The following MDGA2 variants were observed in gnomAD, a reference collection of about 807,000 sequenced individuals.
The protein encoded by MDGA2 is MAM domain-containing glycosylphosphatidylinositol anchor protein 2.
A neutral mutation model predicts 117.8 loss-of-function variants in MDGA2; 40 were observed. The ratio of observed to expected loss-of-function variants is 0.34; its 90% CI spans 0.26 to 0.44. MDGA2 has a LOEUF of 0.44. Among genes scored for constraint, MDGA2 ranks in the 20% least tolerant of loss-of-function variants. The pLI is 1.00. For missense variants in MDGA2, 1,123 were observed against 1,250.6 expected (o/e 0.90, Z 1.54); for synonymous variants, 452 against 439.0 (o/e 1.03, Z -0.37).
chr14:47,588,229 G>GAGATAT (rs1555334158), intron 1 of MDGA2, among the ~76,000 whole-genome samples: 1 of 101,962 alleles, frequency 9.8e-6, no homozygotes, highest in African/African-American at 4.0e-5. Context: ...ATCTCTTGGA[G>GAGATAT]ATAGATAGAT....
intron 1 of MDGA2, among the ~76,000 whole-genome samples, chr14:47,507,641 A>G (rs1894542373): frequency 6.6e-6 from 1 of 152,196 alleles, no homozygotes; most frequent in African/African-American, 2.4e-5. Context: ...TAGTGATTTC[A>G]ACTTGTCCCT....
intron 2 of MDGA2, among the ~76,000 whole-genome samples, chr14:47,275,530 G>A (rs2139717414): frequency 6.6e-6 from 1 of 151,998 alleles, no homozygotes; most frequent in African/African-American, 2.4e-5. Flanking sequence ...GAGGCCCTAA[G>A]GCAAAGTCCA....
chr14:47,411,821 C>A (rs1892378193), intron 1 of MDGA2, among the ~76,000 whole-genome samples: 1 of 152,144 alleles, frequency 6.6e-6, no homozygotes, highest in Non-Finnish European at 1.5e-5. Flanking sequence ...TATATTGGAA[C>A]AGGGGCCCTA....
At chr14:47,096,802 T>G in intron 6 of MDGA2, 52 bp downstream of exon 6, 1 of 1,580,274 alleles carries the variant, frequency 6.3e-7, no homozygotes, top group Non-Finnish European at 8.6e-7. Context: ...TATTTGCTTT[T>G]TGAGAGCCTA....
At chr14:46,977,826 C>T (rs111779441) in intron 8 of MDGA2, among the ~76,000 whole-genome samples, 6,909 of 140,470 alleles carry the variant, frequency 0.049, 553 homozygotes, top group African/African-American at 0.17. Flanking sequence ...TAGGGGGACT[C>T]GGTAAAAAAA....
At chr14:47,135,116 T>C (rs187330659) in intron 4 of MDGA2, among the ~76,000 whole-genome samples, 18 of 152,222 alleles carry the variant, frequency 1.2e-4, no homozygotes, top group Non-Finnish European at 4.4e-5. Flanking sequence ...TGTTAAAATT[T>C]AATAAACCTT....
chr14:47,014,803 CT>C (rs1888022195), intron 8 of MDGA2, among the ~76,000 whole-genome samples: 1 of 152,092 alleles, frequency 6.6e-6, no homozygotes, highest in Non-Finnish European at 1.5e-5. Context: ...AAGCATTTTG[CT>C]TTCTTATCAT....
At chr14:46,869,149 T>C (rs1188919130) in intron 14 of MDGA2, among the ~76,000 whole-genome samples, 2 of 152,020 alleles carry the variant, frequency 1.3e-5, no homozygotes, top group Non-Finnish European at 1.5e-5. Flanking sequence ...TCCCCCTGTT[T>C]ACTCCATAGT....
rs564715440 is a variant in MDGA2, at chr14:47,452,853, A to G, written c.281-151303T>C. On this transcript the variant is annotated intron_variant, in intron 1 of 16. Coordinates refer to ENST00000399232, the MANE Select transcript of MDGA2 (RefSeq NM_001113498.3). ...CTCTCATTTTTTGTGCTCTGGTTAA[A>G]AGGCAAAAATTACATTGTTCTAGTG... Among the ~76,000 whole-genome samples the G allele has an allele frequency of 2.1e-4, 32 of 152,202 alleles. No individual in the cohort carries two copies. The South Asian group carries it at 6.0e-3, about 29-fold the overall frequency.
intron 3 of MDGA2, among the ~76,000 whole-genome samples, chr14:47,185,934 C>T (rs1172793199): frequency 6.6e-6 from 1 of 151,482 alleles, no homozygotes; most frequent in Non-Finnish European, 1.5e-5. Context: ...AACATTCAAA[C>T]ATTTCAATAC....
intron 8 of MDGA2, among the ~76,000 whole-genome samples, chr14:47,029,480 T>C (rs1314048327): frequency 6.6e-6 from 1 of 152,210 alleles, no homozygotes; most frequent in Non-Finnish European, 1.5e-5. Flanking sequence ...GTTTTTAGTA[T>C]ATATTTTATA....
At chr14:47,038,557 ATC>A (rs1888942123) in intron 7 of MDGA2, among the ~76,000 whole-genome samples, 1 of 152,116 alleles carries the variant, frequency 6.6e-6, no homozygotes, top group African/African-American at 2.4e-5. Flanking sequence ...CTCAATTTTA[ATC>A]TCAATAACAT....
At chr14:46,848,045 A>T (rs1342148811) in intron 15 of MDGA2, among the ~76,000 whole-genome samples, 2 of 152,044 alleles carry the variant, frequency 1.3e-5, no homozygotes, top group Non-Finnish European at 2.9e-5. Flanking sequence ...ATGTAGCCAT[A>T]GCAAAGATAA....
At chr14:46,877,566 A>T (rs1390770655) in intron 11 of MDGA2, 57 bp from the exon 12 acceptor site, 2 of 1,254,984 alleles carry the variant, frequency 1.6e-6, no homozygotes, top group African/African-American at 3.0e-5. Context: ...CATGGCTTGA[A>T]TGTCTTTTAT....
chr14:47,244,337 T>C (rs1887168410), intron 2 of MDGA2, among the ~76,000 whole-genome samples: 1 of 151,862 alleles, frequency 6.6e-6, no homozygotes, highest in Non-Finnish European at 1.5e-5. Flanking sequence ...ATGTACCCTC[T>C]GGAATTAAGT....
intron 1 of MDGA2, among the ~76,000 whole-genome samples, chr14:47,347,833 A>T (rs1171543667): frequency 6.6e-6 from 1 of 152,212 alleles, no homozygotes; most frequent in Admixed American, 6.5e-5. Flanking sequence ...AAAATGACTG[A>T]CATGAAATGA....
intron 1 of MDGA2, among the ~76,000 whole-genome samples, chr14:47,622,305 CTA>C (rs1897063762): frequency 6.6e-6 from 1 of 152,160 alleles, no homozygotes; most frequent in Non-Finnish European, 1.5e-5. Context: ...GAACACTTAA[CTA>C]TGAGTCAGAC....
chr14:47,359,339 C>T lies in MDGA2; in HGVS notation c.281-57789G>A, dbSNP rs143948718. Reference sequence around the variant, plus strand: ...ACTGCACTCCAACCTGGTGACATAGCGAGACTCTGTCTCAAAAACAAACAA... The same window carrying T: ...ACTGCACTCCAACCTGGTGACATAGTGAGACTCTGTCTCAAAAACAAACAA... On this transcript the variant is annotated intron_variant, in intron 1 of 16. Transcript: ENST00000399232. Among the ~76,000 whole-genome samples, 6 of 151,640 alleles carry T rather than the reference C, an allele frequency of 4.0e-5. No homozygotes were observed. In the East Asian group the frequency reaches 9.8e-4, roughly 25 times the overall value.
At chr14:46,969,310 C>T (rs1886164781) in intron 8 of MDGA2, among the ~76,000 whole-genome samples, 1 of 152,128 alleles carries the variant, frequency 6.6e-6, no homozygotes, top group Non-Finnish European at 1.5e-5. Flanking sequence ...TTCTAGATCC[C>T]AGAGGAATCG....
Sources: allele counts gnomAD v4.1 joint callset (sites outside exome capture counted in the v4.1 genomes callset), GRCh38; gene constraint gnomAD v4.1.1; transcripts MANE v1.5; gene names NCBI Gene and HGNC (gene_info 2026-07-23, HGNC 2026-07-21).